MACF1: variants seen among roughly 807,000 people sequenced by gnomAD.
MACF1 encodes microtubule actin crosslinking factor 1.
A neutral mutation model predicts 854.8 loss-of-function variants in MACF1; 193 were observed. The observed-to-expected ratio is 0.23, with a 90% CI of 0.20 to 0.25. The LOEUF is 0.25. MACF1 is among the 10% of genes least tolerant of loss of function. The pLI is 1.00. For synonymous variants in MACF1, 3,185 were observed against 3,226.7 expected, an observed-to-expected ratio of 0.99 and a Z score of 0.44; for missense variants, 7,722 against 8,929.1, an observed-to-expected ratio of 0.86 and a Z score of 5.45.
chr1:39,406,966 T>C (rs916567383), intron 58 of MACF1, among the ~76,000 whole-genome samples: 3 of 152,172 alleles, frequency 2.0e-5, no homozygotes, highest in African/African-American at 7.2e-5. Flanking sequence ...AAAGGAAAAT[T>C]AAAACCTGGA....
At chr1:39,325,370 A>G (rs1025779508) in intron 35 of MACF1, among the ~76,000 whole-genome samples, 1 of 152,246 alleles carries the variant, frequency 6.6e-6, no homozygotes, top group Admixed American at 6.5e-5. Context: ...GCCTCTGGTG[A>G]CAAGTTGTGG....
intron 2 of MACF1, among the ~76,000 whole-genome samples, chr1:39,192,980 C>T (rs1159757010): frequency 6.6e-5 from 10 of 152,062 alleles, no homozygotes; most frequent in African/African-American, 2.4e-4. Context: ...GGCATGGTGG[C>T]GCATGCCTGT....
At chr1:39,125,917 C>T (rs7550725) in intron 2 of MACF1, among the ~76,000 whole-genome samples, 11,325 of 151,540 alleles carry the variant, frequency 0.075, 669 homozygotes, top group African/African-American at 0.17. Flanking sequence ...CGCTTTAACC[C>T]GGGAGGCGGA....
At chr1:39,382,214 A>G in intron 56 of MACF1, 62 bp downstream of exon 56, 1 of 1,471,784 alleles carries the variant, frequency 6.8e-7, no homozygotes, top group South Asian at 1.2e-5. Flanking sequence ...TGTTTCTCCC[A>G]GTAAGTAGAT....
At chr1:39,410,813 A>C (rs1642961271) in intron 58 of MACF1, 2 of 1,613,992 alleles carry the variant, frequency 1.2e-6, no homozygotes, top group Admixed American at 1.7e-5. Context: ...GGTCATTTGG[A>C]CCACAGGGAA....
intron 2 of MACF1, among the ~76,000 whole-genome samples, chr1:39,247,833 C>T (rs1644999525): frequency 6.6e-6 from 1 of 151,990 alleles, no homozygotes; most frequent in African/African-American, 2.4e-5. Flanking sequence ...GAGATTGAGG[C>T]CAACATGGTG....
intron 1 of MACF1, among the ~76,000 whole-genome samples, chr1:39,218,356 C>T (rs1199541630): frequency 6.6e-6 from 1 of 152,006 alleles, no homozygotes; most frequent in Non-Finnish European, 1.5e-5. Flanking sequence ...GAAACTCAGG[C>T]TCAAAGAAGG....
intron 89 of MACF1, 113 bp from the exon 90 acceptor site, chr1:39,458,257 A>G: frequency 9.9e-7 from 1 of 1,005,262 alleles, no homozygotes; most frequent in Non-Finnish European, 1.5e-6. Flanking sequence ...CAGCCTCCAC[A>G]CAGCCTTTCC....
chr1:39,381,872 A>G, intron 55 of MACF1, 81 bp from the exon 56 acceptor site: 1 of 939,056 alleles, frequency 1.1e-6, no homozygotes, highest in Non-Finnish European at 1.7e-6. Flanking sequence ...CATTTCCTGC[A>G]GTATATTAGG....
intron 72 of MACF1, among the ~76,000 whole-genome samples, chr1:39,440,111 C>CTTTTCT (rs1553414036): frequency 0.015 from 944 of 64,550 alleles, 20 homozygotes; most frequent in Non-Finnish European, 0.024. Flanking sequence ...CTTTTCTTTT[C>CTTTTCT]TTTTTTTTTT....
intron 23 of MACF1, chr1:39,304,696 T>G (rs966437006): frequency 7.1e-6 from 3 of 423,096 alleles, no homozygotes; most frequent in Non-Finnish European, 1.3e-5. Context: ...CCTGAGTAGC[T>G]GGGACTACAG....
At chr1:39,350,122 A>G (rs1335422677) in intron 42 of MACF1, among the ~76,000 whole-genome samples, 1 of 152,268 alleles carries the variant, frequency 6.6e-6, no homozygotes, top group East Asian at 1.9e-4. Flanking sequence ...GAGAACATAT[A>G]GCAGAGAGAC....
intron 2 of MACF1, among the ~76,000 whole-genome samples, chr1:39,242,066 A>G (rs900666605): frequency 3.3e-5 from 5 of 152,164 alleles, no homozygotes; most frequent in Admixed American, 6.5e-5. Context: ...TAAAAAATGG[A>G]GGCCGGGTGC....
intron 49 of MACF1, among the ~76,000 whole-genome samples, chr1:39,364,798 G>A (rs1219140746): frequency 6.6e-6 from 1 of 152,094 alleles, no homozygotes; most frequent in Non-Finnish European, 1.5e-5. Flanking sequence ...GGCCGTAAAT[G>A]TGGAATTTTT....
In MACF1 at chr1:39,385,902, C is replaced by T; in HGVS notation, c.14317C>T (p.Pro4773Ser). ...LKKRLETVAL[P>S]LQGLEDLAAD... Reference sequence around the variant, plus strand: ...GAAGCGTTTGGAGACAGTTGCCCTGCCTCTCCAAGGTTTAGAAGACCTTGC... The same window carrying T: ...GAAGCGTTTGGAGACAGTTGCCCTGTCTCTCCAAGGTTTAGAAGACCTTGC... The change falls in exon 57 of 101, where the codon CCT becomes TCT. Residue 4773 changes from proline (P) to serine (S), a missense_variant. Physicochemically the swap from Pro to Ser is moderately conservative, Grantham distance 74. Transcript: ENST00000564288. 6.2e-7 allele frequency: 1 copy of T among 1,612,334 alleles called. No homozygotes were observed. The highest frequency in any genetic ancestry group is 8.5e-7 in the Non-Finnish European group (1 of 1,178,812).
At chr1:39,235,264 G>A (rs972891884) in intron 2 of MACF1, among the ~76,000 whole-genome samples, 2 of 152,278 alleles carry the variant, frequency 1.3e-5, no homozygotes, top group African/African-American at 4.8e-5. Context: ...GGCACCTTGG[G>A]AGGCCGAGGC....
intron 5 of MACF1, chr1:39,257,588 C>A: frequency 5.0e-6 from 1 of 200,664 alleles, no homozygotes; most frequent in South Asian, 8.5e-5. Context: ...AGGCGTGAGC[C>A]ATCGCGTCTG....
intron 2 of MACF1, among the ~76,000 whole-genome samples, chr1:39,117,943 A>G (rs978704232): frequency 3.3e-5 from 5 of 152,244 alleles, no homozygotes; most frequent in Non-Finnish European, 7.3e-5. Flanking sequence ...AGCTCCAACT[A>G]AGATGGCAGA....
chr1:39,244,402 C>A (rs1463052664), intron 2 of MACF1, among the ~76,000 whole-genome samples: 1 of 152,130 alleles, frequency 6.6e-6, no homozygotes, highest in Non-Finnish European at 1.5e-5. Context: ...CTGCCTTAGC[C>A]TCCTAAGTAG....
Sources: allele counts gnomAD v4.1 joint callset (sites outside exome capture counted in the v4.1 genomes callset), GRCh38; gene constraint gnomAD v4.1.1; transcripts MANE v1.5; gene names NCBI Gene and HGNC (gene_info 2026-07-23, HGNC 2026-07-21).